Variants in SPTBN5 observed in about 807,000 individuals in gnomAD.
The protein encoded by SPTBN5 is spectrin beta chain, non-erythrocytic 5.
SPTBN5 carries 513 observed loss-of-function variants against 477.6 expected under a neutral mutation model. That is an observed-to-expected ratio of 1.07 (90% confidence interval 1.00 to 1.16). The LOEUF (loss-of-function observed/expected upper bound fraction) is 1.16, where lower values mean the gene tolerates loss of function less well. Among genes scored for constraint, SPTBN5 ranks in the 50% most tolerant of loss-of-function variants. The pLI, the probability that SPTBN5 is intolerant of heterozygous loss-of-function variation, is 0.00. For synonymous variants in SPTBN5, 2,169 were observed against 2,011.7 expected (o/e 1.08, Z -2.09); for missense variants, 5,062 against 4,731.8 (o/e 1.07, Z -2.05).
intron 39 of SPTBN5, among the ~76,000 whole-genome samples, chr15:41,865,410 CCCTTACAGCAGCAT>C (rs1258264650): frequency 6.6e-6 from 1 of 152,168 alleles, no homozygotes; most frequent in Non-Finnish European, 1.5e-5. Flanking sequence ...TCCCCAGCTT[CCCTTACAGCAGCAT>C]CCTATATAAT....
At position 41,861,870 on chromosome 15, in the gene SPTBN5, C is replaced by T. The variant is rs1341653110; in HGVS notation, c.7602G>A (p.Gln2534=). The T allele has an allele frequency of 6.2e-7, 1 of 1,608,550 alleles. No homozygotes were observed. The change falls in exon 45 of 68, where the codon CAG becomes CAA. Residue 2534 remains glutamine (Q), a synonymous_variant. Transcript: ENST00000320955. ...AGGGGTGCCCCGCTGTGAGCAGTTG[C>T]TGCCCAGTGCTTCGGGCCAGGCTGA... ...DSISLARSTG[Q]QLLTAGHPFS...
rs750724704 is a variant in SPTBN5, at chr15:41,857,291, T to C, written c.8568A>G (p.Glu2856=). 2.0e-5 allele frequency: 31 copies of C among 1,573,358 alleles called. No homozygotes were observed. The East Asian group carries it at 6.3e-4, about 32-fold the overall frequency. The stretch of plus-strand genomic sequence containing the variant: ...CCACATCTTGGGCAAGGCAGTGGCC[T>C]TCCCTCACAAAGGCCTGGGCCTGGC... ...LLGQAQAFVR[E]GHCLAQDVEE... is the part of the protein sequence containing the mutation. Residue 2856 remains glutamate (E), a synonymous_variant, in exon 51 of 68, where the codon GAA becomes GAG. Transcript: ENST00000320955.
rs897358506 is a variant in SPTBN5 at position 41,868,117 on chromosome 15, G to A, written c.6159C>T (p.Leu2053=). 6.2e-7 allele frequency: 1 copy of A among 1,601,738 alleles called. No homozygotes were observed. The highest frequency in any genetic ancestry group is 8.5e-7 in the Non-Finnish European group (1 of 1,175,728). ...ERLQAEQQEQ[L]FLRECGRLEE... ...CCAGGCGGCCGCACTCTCTGAGGAA[G>A]AGCTGCTCCTGCTGCTCGGCCTGCA... The change falls in exon 34 of 68, where the codon CTC becomes CTT. Residue 2053 remains leucine (L), a synonymous_variant. Coordinates refer to ENST00000320955, the MANE Select transcript of SPTBN5 (RefSeq NM_016642.4).
chr15:41,852,353 T>G (rs2065793046), intron 61 of SPTBN5, 37 bp from the exon 62 acceptor site: 3 of 1,527,352 alleles, frequency 2.0e-6, no homozygotes, highest in Non-Finnish European at 2.7e-6. Context: ...GTGAGCCAGG[T>G]CAGGGAGACC....
chr15:41,876,038 A>C, intron 21 of SPTBN5, 76 bp downstream of exon 21: 3 of 1,524,570 alleles, frequency 2.0e-6, no homozygotes, highest in Non-Finnish European at 1.8e-6. Flanking sequence ...AGACTCTTCC[A>C]TGAAAACAGG....
At chr15:41,877,815 G>A (rs932558002) in intron 17 of SPTBN5, among the ~76,000 whole-genome samples, 1 of 152,250 alleles carries the variant, frequency 6.6e-6, no homozygotes, top group Non-Finnish European at 1.5e-5. Context: ...ATGCATTTCA[G>A]TGCCCACTTG....
At chr15:41,871,550 G>T (rs1335502180) in intron 28 of SPTBN5, 30 bp from the exon 29 acceptor site, 1 of 1,441,646 alleles carries the variant, frequency 6.9e-7, no homozygotes, top group Non-Finnish European at 9.2e-7. Flanking sequence ...TGACAGGGTA[G>T]CCCCCAGCTG....
At chr15:41,866,805 G>C (rs1335583304) in intron 36 of SPTBN5, among the ~76,000 whole-genome samples, 154 bp downstream of exon 36, 6 of 152,226 alleles carry the variant, frequency 3.9e-5, no homozygotes, top group African/African-American at 1.4e-4. Context: ...ACACAAAGGG[G>C]CTTAGATCCC....
At chr15:41,857,192 C>T in intron 51 of SPTBN5, 46 bp downstream of exon 51, 2 of 1,553,586 alleles carry the variant, frequency 1.3e-6, no homozygotes, top group East Asian at 2.3e-5. Context: ...GTGGGGGTCC[C>T]TCCAGGAAGG....
Position 41,873,524 on chromosome 15 carries a change from C to G in SPTBN5, c.4975G>C (p.Ala1659Pro). 1 of 1,551,866 alleles carries G rather than the reference C, an allele frequency of 6.4e-7. No homozygotes were observed. Among genetic ancestry groups the G allele is most frequent in the Non-Finnish European group, 8.7e-7 (1 of 1,147,098 alleles). Residue 1659 changes from alanine (A) to proline (P), a missense_variant, in exon 26 of 68, where the codon GCA becomes CCA. Physicochemically the swap from Ala to Pro is conservative, Grantham distance 27 (BLOSUM62 -1). Transcript: ENST00000320955. ...VSSRDYGRDE[A>P]ATLRLINKHQ... is the part of the protein sequence containing the mutation. Reference sequence around the variant, plus strand: ...TTGTTAATGAGCCTGAGGGTGGCTGCCTCGTCTCTGCCATAGTCCCGACTG... The same window carrying G: ...TTGTTAATGAGCCTGAGGGTGGCTGGCTCGTCTCTGCCATAGTCCCGACTG...
chr15:41,867,499 C>T (rs901443055), intron 35 of SPTBN5, 39 bp downstream of exon 35: 1 of 1,594,670 alleles, frequency 6.3e-7, no homozygotes, highest in Non-Finnish European at 8.6e-7. Flanking sequence ...CTCCCAACCA[C>T]CACACTCTGA....
rs1475449710 is a variant in SPTBN5, at chr15:41,867,093, G to C, written c.6346C>G (p.Arg2116Gly). 3 of 1,542,922 alleles carry C rather than the reference G, an allele frequency of 1.9e-6. No individual in the cohort carries two copies. ...AGCCGGTCCCGCACCCGGGGGCGCC[G>C]GAGCGTCTTCAGCCGCTCACGCAGG... ...AALRERLKTL[R>G]RPRVRDRLPI... Residue 2116 changes from arginine (R) to glycine (G), a missense_variant, in exon 36 of 68, where the codon CGG (arginine) becomes GGG (glycine). Coordinates refer to ENST00000320955, the MANE Select transcript of SPTBN5 (RefSeq NM_016642.4).
rs1283575825 is a variant in SPTBN5 at position 41,871,804 on chromosome 15, C to A, written c.5279G>T (p.Gly1760Val). 3.1e-6 allele frequency: 5 copies of A among 1,591,108 alleles called. No individual in the cohort carries two copies. The African/African-American group carries it at 6.7e-5, about 21-fold the overall frequency. ...KQAAKGGESL[G>V]EDPEHALHLC... ...CACCAGGGCGTGCTCGGGGTCCTCTCCCAGGCTCTCCCCTCCTTTGGCTGC... is the reference window on the plus strand; with the variant it reads ...CACCAGGGCGTGCTCGGGGTCCTCTACCAGGCTCTCCCCTCCTTTGGCTGC... The change falls in exon 28 of 68, where the codon GGA (glycine) becomes GTA (valine). Residue 1760 changes from glycine (G) to valine (V), a missense_variant. Transcript: ENST00000320955.
rs1038296738 is a variant in SPTBN5, at chr15:41,874,436, C to G, written c.4545G>C (p.Gln1515His). Residue 1515 changes from glutamine (Q) to histidine (H), a missense_variant, in exon 24 of 68, where the codon CAG becomes CAC. Coordinates refer to ENST00000320955, the MANE Select transcript of SPTBN5 (RefSeq NM_016642.4). ...GGTGCAGCTCCACTGAGGCCTGCAG[C>G]TGCAGGCCCCGGATGGCCAGATGCC... ...LQGHLAIRGL[Q>H]LQASVELHQF... 3.1e-6 allele frequency: 5 copies of G among 1,612,504 alleles called. No homozygotes were observed. Among genetic ancestry groups the G allele is most frequent in the Non-Finnish European group, 4.2e-6 (5 of 1,179,524 alleles).
chr15:41,877,037 C>G, intron 18 of SPTBN5, 79 bp downstream of exon 18: 1 of 1,594,814 alleles, frequency 6.3e-7, no homozygotes, highest in South Asian at 1.1e-5. Flanking sequence ...TCCTGCCCAG[C>G]CTGGCTTCTG....
intron 3 of SPTBN5, among the ~76,000 whole-genome samples, chr15:41,892,515 T>C (rs1197699): frequency 0.54 from 82,327 of 152,100 alleles, 22,880 homozygotes; most frequent in East Asian, 0.92. Context: ...CTCTGTTGGC[T>C]GGTTAACCAT....
rs1255990760 is a variant in SPTBN5, at chr15:41,851,313, G to C, written c.10713C>G (p.Ser3571Arg). 2 of 1,551,060 alleles carry C rather than the reference G, an allele frequency of 1.3e-6. No individual in the cohort carries two copies. The highest frequency in any genetic ancestry group is 2.7e-5 in the African/African-American group (2 of 72,984). ...CRGNLQGSSL[S>R]LFLDERMAAE... Reference sequence around the variant, plus strand: ...CTGCCATCCTCTCATCCAGGAACAGGCTCAGAGAGCTGCCCTGCAAGTTCC... The same window carrying C: ...CTGCCATCCTCTCATCCAGGAACAGCCTCAGAGAGCTGCCCTGCAAGTTCC... Residue 3571 changes from serine (S) to arginine (R), a missense_variant, in exon 64 of 68, where the codon AGC (serine) becomes AGG (arginine). By Grantham distance (110) the Ser-to-Arg change is moderately radical. Transcript: ENST00000320955.
intron 22 of SPTBN5, 142 bp from the exon 23 acceptor site, chr15:41,875,198 G>T: frequency 1.1e-6 from 1 of 911,294 alleles, no homozygotes; most frequent in Non-Finnish European, 1.6e-6. Flanking sequence ...TCGGCCAGAA[G>T]TGCCCAATCT....
rs753285256 is a variant in SPTBN5 at position 41,885,859 on chromosome 15, C to T, written c.1396G>A (p.Val466Ile). The T allele has an allele frequency of 1.6e-5, 25 of 1,571,628 alleles. No homozygotes were observed. The highest frequency in any genetic ancestry group is 3.5e-5 in the South Asian group (3 of 85,686). The stretch of plus-strand genomic sequence containing the variant: ...GCCTCCAGCATGCCCAGCCTCTGGA[C>T]GGCTGCCTCCACTGTGGCCAGGCTG... The part of the protein sequence containing the change: ...PASLATVEAA[V>I]QRLGMLEAGI... Residue 466 changes from valine (V) to isoleucine (I), a missense_variant, in exon 7 of 68, where the codon GTC becomes ATC. Val to Ile is a conservative substitution (Grantham distance 29). Coordinates refer to ENST00000320955, the MANE Select transcript of SPTBN5 (RefSeq NM_016642.4).
Sources: gnomAD v4.1 joint callset for allele counts (sites outside exome capture counted in the v4.1 genomes callset) on GRCh38, gnomAD v4.1.1 for gene constraint, MANE v1.5 for transcripts, NCBI Gene and HGNC (gene_info 2026-07-23, HGNC 2026-07-21) for gene names.